GRIN2A: variants seen among roughly 807,000 people sequenced by gnomAD.
GRIN2A encodes the protein glutamate receptor ionotropic, NMDA 2A.
A neutral mutation model predicts 113.4 loss-of-function variants in GRIN2A; 22 were observed. That is an observed-to-expected ratio of 0.19 (90% CI 0.14 to 0.28). GRIN2A has a LOEUF of 0.28. GRIN2A is among the 10% of genes least tolerant of loss of function. GRIN2A has a pLI of 1.00. For missense variants in GRIN2A, 1,502 were observed against 1,887.0 expected (o/e 0.80, Z 3.78); for synonymous variants, 827 against 738.4 (o/e 1.12, Z -1.94).
intron 5 of GRIN2A, among the ~76,000 whole-genome samples, chr16:9,843,959 G>T (rs1330420892): frequency 6.6e-6 from 1 of 152,128 alleles, no homozygotes; most frequent in South Asian, 2.1e-4. Flanking sequence ...TAGTATACAT[G>T]GCTCTGAAAA....
intron 3 of GRIN2A, among the ~76,000 whole-genome samples, chr16:9,922,109 T>A (rs1322385786): frequency 1.3e-5 from 2 of 152,218 alleles, no homozygotes; most frequent in Non-Finnish European, 2.9e-5. Flanking sequence ...TAATCTTTCT[T>A]AAGTGGAAGA....
At chr16:10,046,992 A>T (rs1335924932) in intron 2 of GRIN2A, among the ~76,000 whole-genome samples, 1 of 152,154 alleles carries the variant, frequency 6.6e-6, no homozygotes, top group Non-Finnish European at 1.5e-5. Context: ...GCACTGTAGG[A>T]TGTGTAGAAG....
intron 2 of GRIN2A, among the ~76,000 whole-genome samples, chr16:10,165,007 G>A (rs1013437494): frequency 5.9e-5 from 9 of 152,100 alleles, no homozygotes; most frequent in African/African-American, 1.4e-4. Context: ...ACAAATTAAC[G>A]GAACCTTAAT....
chr16:10,029,666 G>A (rs970221201), intron 2 of GRIN2A, among the ~76,000 whole-genome samples: 2 of 152,108 alleles, frequency 1.3e-5, no homozygotes, highest in African/African-American at 2.4e-5. Flanking sequence ...ATTCATGCAG[G>A]GGCTTCTTCA....
Position 10,180,534 on chromosome 16 carries a change from C to T in GRIN2A, c.-18-105G>A. The T allele has an allele frequency of 3.9e-6, 6 of 1,521,902 alleles. No individual in the cohort carries two copies. The highest frequency in any genetic ancestry group is 5.3e-6 in the Non-Finnish European group (6 of 1,140,546). 94.3% of individuals were successfully genotyped at this position (1,521,902 alleles called of 1,614,324 possible). On this transcript the variant is annotated intron_variant, in intron 1 of 12. Transcript: ENST00000330684. This position sits in a 1 kb window ranked among gnomAD's most constrained non-coding sequence, Gnocchi z 7.0. ...TCTAGGAGCCAGGCATGGAACTCAG[C>T]AGCAGGATAGGCTGCTGGGATCACG...
At chr16:10,020,013 G>A (rs888302446) in intron 2 of GRIN2A, among the ~76,000 whole-genome samples, 1 of 152,166 alleles carries the variant, frequency 6.6e-6, no homozygotes, top group Non-Finnish European at 1.5e-5. Context: ...TCATTTCACA[G>A]TCTACACACT....
At chr16:9,828,586 T>A (rs1210563132) in intron 9 of GRIN2A, among the ~76,000 whole-genome samples, 3 of 152,212 alleles carry the variant, frequency 2.0e-5, no homozygotes, top group African/African-American at 7.2e-5. Context: ...TCTCAACACT[T>A]GCTGAGCTTA....
chr16:9,838,015 C>G (rs761044756), intron 7 of GRIN2A, among the ~76,000 whole-genome samples: 5 of 152,134 alleles, frequency 3.3e-5, no homozygotes, highest in Non-Finnish European at 4.4e-5. Flanking sequence ...GTCCAAAATC[C>G]TGTTAGTCAA....
intron 11 of GRIN2A, among the ~76,000 whole-genome samples, chr16:9,782,110 G>A (rs906241175): frequency 1.3e-5 from 2 of 152,172 alleles, no homozygotes; most frequent in Non-Finnish European, 2.9e-5. Context: ...TATATGTACA[G>A]TCAGCCCTTT....
At chr16:10,080,337 T>G (rs894217322) in intron 2 of GRIN2A, among the ~76,000 whole-genome samples, 2 of 152,220 alleles carry the variant, frequency 1.3e-5, no homozygotes, top group Admixed American at 1.3e-4. Flanking sequence ...ATGATTAGGC[T>G]TCCTTTGCAA....
chr16:9,995,567 G>A (rs1257145003), intron 2 of GRIN2A, among the ~76,000 whole-genome samples: 2 of 152,104 alleles, frequency 1.3e-5, no homozygotes, highest in Non-Finnish European at 2.9e-5. Context: ...AGCAAAGGAA[G>A]GAGGGGTCCA....
intron 5 of GRIN2A, among the ~76,000 whole-genome samples, chr16:9,848,086 TTAAC>T (rs1313762407): frequency 6.8e-6 from 1 of 147,368 alleles, no homozygotes; most frequent in Admixed American, 6.8e-5. Flanking sequence ...AACTTGTACA[TTAAC>T]TATATATTTT....
chr16:9,944,910 T>A (rs955619283), intron 2 of GRIN2A, among the ~76,000 whole-genome samples: 5 of 152,178 alleles, frequency 3.3e-5, no homozygotes, highest in African/African-American at 1.2e-4. Flanking sequence ...TCCAGCTCTG[T>A]ACCAGGCATT....
At chr16:10,082,181 C>T (rs2047998267) in intron 2 of GRIN2A, among the ~76,000 whole-genome samples, 1 of 152,178 alleles carries the variant, frequency 6.6e-6, no homozygotes, top group Non-Finnish European at 1.5e-5. Context: ...TCCATCTCTG[C>T]CTACGATGGA....
chr16:10,161,088 C>T (rs1380935043), intron 2 of GRIN2A, among the ~76,000 whole-genome samples: 1 of 152,192 alleles, frequency 6.6e-6, no homozygotes, highest in East Asian at 1.9e-4. Flanking sequence ...TTGTAGTTCC[C>T]ATCATCCTCA....
At chr16:10,076,497 T>C (rs2047875492) in intron 2 of GRIN2A, among the ~76,000 whole-genome samples, 1 of 152,118 alleles carries the variant, frequency 6.6e-6, no homozygotes, top group Non-Finnish European at 1.5e-5. Context: ...GAGACACATG[T>C]CCGTGGCCCT....
chr16:9,825,723 C>T (rs1188281587), intron 9 of GRIN2A, among the ~76,000 whole-genome samples: 1 of 152,092 alleles, frequency 6.6e-6, no homozygotes. Context: ...CAGGTGTGTC[C>T]TTGAGCAGAG....
chr16:9,869,146 AC>A (rs1350484273), intron 4 of GRIN2A, among the ~76,000 whole-genome samples: 1 of 152,024 alleles, frequency 6.6e-6, no homozygotes, highest in Non-Finnish European at 1.5e-5. Flanking sequence ...TATGAAATGA[AC>A]AAGTTAGCCA....
chr16:9,775,684 A>T (rs181487441), intron 11 of GRIN2A, among the ~76,000 whole-genome samples: 2 of 152,364 alleles, frequency 1.3e-5, no homozygotes, highest in Non-Finnish European at 2.9e-5. Context: ...CTTGATTTTC[A>T]TTCTAACAAG....
Sources: allele counts gnomAD v4.1 joint callset (sites outside exome capture counted in the v4.1 genomes callset), GRCh38; gene constraint gnomAD v4.1.1; non-coding constraint Gnocchi (gnomAD v3.1); transcripts MANE v1.5; gene names NCBI Gene and HGNC (gene_info 2026-07-23, HGNC 2026-07-21).